PDE10A: variants seen among roughly 807,000 people sequenced by gnomAD.
PDE10A encodes the protein cAMP and cAMP-inhibited cGMP 3',5'-cyclic phosphodiesterase 10A.
PDE10A carries 39 observed loss-of-function variants against 97.7 expected under a neutral mutation model. The observed-to-expected ratio is 0.40, with a 90% CI of 0.31 to 0.52. PDE10A has a LOEUF of 0.52. PDE10A is among the 20% of genes least tolerant of loss of function. The pLI, the probability that PDE10A is intolerant of heterozygous loss-of-function variation, is 0.56. For missense variants in PDE10A, 731 were observed against 1,047.8 expected (o/e 0.70, Z 4.17); for synonymous variants, 371 against 376.8 (o/e 0.98, Z 0.18).
intron 1 of PDE10A, among the ~76,000 whole-genome samples, chr6:165,813,080 G>A (rs943942349): frequency 6.6e-6 from 1 of 152,144 alleles, no homozygotes; most frequent in Admixed American, 6.5e-5. Context: ...GCACTTGAGC[G>A]TTCTATACAC....
Position 165,473,937 on chromosome 6 carries a change from T to C in PDE10A, c.1023+8378A>G, listed in dbSNP as rs147912907. Among the ~76,000 whole-genome samples the C allele has an allele frequency of 6.1e-3, 936 of 152,330 alleles. 5 individuals carry two copies. The highest frequency in any genetic ancestry group is 0.021 in the African/African-American group (889 of 41,572). ...TACTCTTAATTTTCAAGTCATTCAC[T>C]CAATTAAGGTAATGAACAGATTCAT... On this transcript the variant is annotated intron_variant, in intron 3 of 21. Coordinates refer to ENST00000539869, the MANE Select transcript of PDE10A (RefSeq NM_001385079.1).
chr6:165,695,259 T>C (rs1341197580), intron 1 of PDE10A, among the ~76,000 whole-genome samples: 4 of 148,642 alleles, frequency 2.7e-5, no homozygotes, highest in African/African-American at 5.0e-5. Flanking sequence ...AAAAAACATA[T>C]AGCCTCTGGA....
chr6:165,974,311 A>T (rs577892343), intron 1 of PDE10A, among the ~76,000 whole-genome samples: 1 of 152,350 alleles, frequency 6.6e-6, no homozygotes, highest in South Asian at 2.1e-4. Context: ...CTTCTCTAGA[A>T]TCCTTCAGGC....
In PDE10A at chr6:165,605,955, C is replaced by T. The variant is rs374658818; in HGVS notation, c.865+55992G>A. Reference sequence around the variant, plus strand: ...CACTGGCTTGAATTTCTGTTTCTCCCTATAATATCCTTATTTTCTCATGGA... The same window carrying T: ...CACTGGCTTGAATTTCTGTTTCTCCTTATAATATCCTTATTTTCTCATGGA... On this transcript the variant is annotated intron_variant, in intron 1 of 21. Coordinates refer to ENST00000539869, the MANE Select transcript of PDE10A (RefSeq NM_001385079.1). 1.5e-4 allele frequency among the ~76,000 whole-genome samples: 23 copies of T among 152,150 alleles called. 1 individual carries two copies. Among genetic ancestry groups the T allele is most frequent in the African/African-American group, 5.3e-4 (22 of 41,518 alleles).
chr6:165,907,486 G>T (rs1288734145), intron 1 of PDE10A, among the ~76,000 whole-genome samples: 1 of 152,240 alleles, frequency 6.6e-6, no homozygotes, highest in Non-Finnish European at 1.5e-5. Flanking sequence ...AGTGGGAGCC[G>T]CACTCTCTCT....
At position 165,972,288 on chromosome 6, in the gene PDE10A, G is replaced by C. The variant is rs553494526; in HGVS notation, c.-615+15241C>G. ...TGGGAAGTGAGAACTCGCGGTACCA[G>C]CAGGGTGGCCACCTGCGCAGGTGGA... On this transcript the variant is annotated intron_variant, in intron 1 of 19. Transcript: ENST00000366882. Among the ~76,000 whole-genome samples, 733 of 152,078 alleles carry C rather than the reference G, an allele frequency of 4.8e-3. 3 individuals carry two copies. The highest frequency in any genetic ancestry group is 0.011 in the Admixed American group (162 of 15,280).
chr6:165,734,048 C>A (rs915339420), intron 1 of PDE10A, among the ~76,000 whole-genome samples: 7 of 152,090 alleles, frequency 4.6e-5, no homozygotes, highest in African/African-American at 1.7e-4. Context: ...TGCCTGGAAC[C>A]AGGACTCCAG....
chr6:165,542,059 T>C (rs1292815713), intron 2 of PDE10A, among the ~76,000 whole-genome samples: 6 of 152,314 alleles, frequency 3.9e-5, no homozygotes, highest in African/African-American at 1.4e-4. Context: ...ATTTTAGAAC[T>C]TTAAGATAAC....
chr6:165,591,645 T>C (rs1366558075), intron 1 of PDE10A, among the ~76,000 whole-genome samples: 1 of 152,244 alleles, frequency 6.6e-6, no homozygotes, highest in African/African-American at 2.4e-5. Context: ...ACACCCAAAA[T>C]GAAGAGCTTA....
chr6:165,829,692 C>T lies in PDE10A; in HGVS notation c.-615+157837G>A, dbSNP rs1308334367. On this transcript the variant is annotated intron_variant, in intron 1 of 19. Coordinates refer to the PDE10A transcript ENST00000366882. Reference sequence around the variant, plus strand: ...GCCGGTCCCATCTAACCAACAGATCCTACTCTCAAGTTTCCGAACTCTTAC... The same window carrying T: ...GCCGGTCCCATCTAACCAACAGATCTTACTCTCAAGTTTCCGAACTCTTAC... Among the ~76,000 whole-genome samples, 7 of 152,348 alleles carry T rather than the reference C, an allele frequency of 4.6e-5. No individual in the cohort carries two copies. The South Asian group carries it at 1.0e-3, about 23-fold the overall frequency.
At chr6:165,952,677 T>C (rs1194503165) in intron 1 of PDE10A, among the ~76,000 whole-genome samples, 1 of 152,220 alleles carries the variant, frequency 6.6e-6, no homozygotes, top group Non-Finnish European at 1.5e-5. Context: ...GAGAAAGGGC[T>C]CTGCACGGGA....
At chr6:165,837,662 T>TG (rs1385064169) in intron 1 of PDE10A, among the ~76,000 whole-genome samples, 3 of 64,234 alleles carry the variant, frequency 4.7e-5, no homozygotes, top group Non-Finnish European at 8.9e-5. Flanking sequence ...TCTCCTGGTT[T>TG]TTTTTTTTTT....
intron 1 of PDE10A, among the ~76,000 whole-genome samples, chr6:165,858,028 T>C (rs932429799): frequency 1.3e-5 from 2 of 152,208 alleles, no homozygotes; most frequent in Admixed American, 1.3e-4. Context: ...AGATAGAACA[T>C]AGAATGCAAG....
At chr6:165,761,361 G>A (rs1793245903) in intron 1 of PDE10A, among the ~76,000 whole-genome samples, 1 of 152,194 alleles carries the variant, frequency 6.6e-6, no homozygotes, top group African/African-American at 2.4e-5. Flanking sequence ...GCGTGACATT[G>A]GGAATATTGA....
intron 1 of PDE10A, among the ~76,000 whole-genome samples, chr6:165,722,883 T>C (rs9459493): frequency 0.54 from 80,811 of 148,904 alleles, 22,123 homozygotes; most frequent in Non-Finnish European, 0.57. Context: ...TATATATATA[T>C]ACACACACAC....
chr6:165,629,173 G>A (rs889418315), intron 1 of PDE10A, among the ~76,000 whole-genome samples: 3 of 152,136 alleles, frequency 2.0e-5, no homozygotes, highest in African/African-American at 7.2e-5. Context: ...CCGTGTGTGA[G>A]GAGAAAATCC....
chr6:165,479,042 T>A (rs1002786557), intron 3 of PDE10A, among the ~76,000 whole-genome samples: 1 of 152,210 alleles, frequency 6.6e-6, no homozygotes, highest in African/African-American at 2.4e-5. Flanking sequence ...CCAACTATTC[T>A]GGACACACCT....
At chr6:165,741,662 C>T (rs148270818) in intron 1 of PDE10A, among the ~76,000 whole-genome samples, 1,938 of 152,136 alleles carry the variant, frequency 0.013, 40 homozygotes, top group African/African-American at 0.039. Flanking sequence ...ATATATTATA[C>T]AGGGATATAT....
intron 1 of PDE10A, among the ~76,000 whole-genome samples, chr6:165,606,382 A>G (rs1326838103): frequency 2.6e-5 from 4 of 152,138 alleles, no homozygotes; most frequent in Non-Finnish European, 4.4e-5. Context: ...ACATGCATAA[A>G]GTTCTGAGGA....
Sources: gnomAD v4.1 joint callset for allele counts (sites outside exome capture counted in the v4.1 genomes callset) on GRCh38, gnomAD v4.1.1 for gene constraint, MANE v1.5 for transcripts, NCBI Gene and HGNC (gene_info 2026-07-23, HGNC 2026-07-21) for gene names.